The following MAN1C1 variants were observed in gnomAD, a reference collection of about 807,000 sequenced individuals.
MAN1C1 encodes mannosyl-oligosaccharide 1,2-alpha-mannosidase IC.
A neutral mutation model predicts 71.5 loss-of-function variants in MAN1C1; 49 were observed. The ratio of observed to expected loss-of-function variants is 0.69; its 90% CI spans 0.54 to 0.87. MAN1C1 has a LOEUF of 0.87. MAN1C1 is among the 40% of genes least tolerant of loss of function. The pLI is 0.00. For missense variants in MAN1C1, 743 were observed against 835.0 expected, an observed-to-expected ratio of 0.89 and a Z score of 1.36; for synonymous variants, 352 against 343.7, an observed-to-expected ratio of 1.02 and a Z score of -0.27.
In MAN1C1 at chr1:25,769,220, T is replaced by C. The variant is rs1403004744; in HGVS notation, c.1142-2437T>C. Among the ~76,000 whole-genome samples, 2 of 143,678 alleles carry C rather than the reference T, an allele frequency of 1.4e-5. No individual in the cohort carries two copies. Among genetic ancestry groups the C allele is most frequent in the Non-Finnish European group, 3.0e-5 (2 of 65,734 alleles). 94.3% of individuals were successfully genotyped at this position (143,678 alleles called of 152,430 possible). On this transcript the variant is annotated intron_variant, in intron 7 of 11. Transcript: ENST00000374332. This position sits in a 1 kb window ranked among gnomAD's most constrained non-coding sequence, Gnocchi z 4.8. ...ATGCACACACCCCACACACTACACA[T>C]AGTCCCCTCATACACTACACACCAC...
At chr1:25,654,066 C>T (rs1024558801) in intron 1 of MAN1C1, among the ~76,000 whole-genome samples, 1 of 152,120 alleles carries the variant, frequency 6.6e-6, no homozygotes, top group South Asian at 2.1e-4. Context: ...TTCCTGGTTG[C>T]ACATTGAGAC....
At chr1:25,757,035 G>A (rs1322617717) in intron 5 of MAN1C1, among the ~76,000 whole-genome samples, 4 of 152,026 alleles carry the variant, frequency 2.6e-5, no homozygotes, top group East Asian at 1.9e-4. Flanking sequence ...CTCAAAACCC[G>A]AGCCCTTCGT....
rs865962147 is a variant in MAN1C1 at position 25,617,561 on chromosome 1, C to G, written c.-237C>G. The G allele has an allele frequency of 3.1e-5, 10 of 320,656 alleles. No homozygotes were observed. The highest frequency in any genetic ancestry group is 8.5e-4 in the Middle Eastern group (1 of 1,180). 19.9% of individuals were successfully genotyped at this position (320,656 alleles called of 1,614,324 possible). On this transcript the variant is annotated 5_prime_UTR_variant, in exon 1 of 12. Coordinates refer to ENST00000374332, the MANE Select transcript of MAN1C1 (RefSeq NM_020379.4). The surrounding 1 kb of genome is among the most constrained non-coding windows in gnomAD (Gnocchi z 5.1). ...TGCGGGCCCGGGCCCCAAGCCGTGC[C>G]GCTCCGCTCGCCCGGGCCCCGCCGA... is the stretch of plus-strand genomic sequence containing the variant.
rs1377342014 is a variant in MAN1C1 at position 25,616,903 on chromosome 1, G to A, written c.-895G>A. ...CAGCGGCCGGTCTGGAGCGGCCGCT[G>A]CGAGGAAGACAGCTGCAGCGGGGGA... On this transcript the variant is annotated 5_prime_UTR_variant, in exon 1 of 12. Transcript: ENST00000374332. This position sits in a 1 kb window ranked among gnomAD's most constrained non-coding sequence, Gnocchi z 5.6. Among the ~76,000 whole-genome samples the A allele has an allele frequency of 6.7e-6, 1 of 149,842 alleles. No individual in the cohort carries two copies. The highest frequency in any genetic ancestry group is 1.5e-5 in the Non-Finnish European group (1 of 67,046).
rs191610047 is a variant in MAN1C1 at position 25,763,704 on chromosome 1, G to A, written c.1048-170G>A. 1.9e-3 allele frequency: 1,144 copies of A among 616,790 alleles called. 2 individuals are homozygous for A. Among genetic ancestry groups the A allele is most frequent in the Non-Finnish European group, 2.5e-3 (846 of 342,732 alleles). The allele number at this position is 616,790 out of a possible 1,614,324, so 38.2% of individuals were successfully genotyped here. On this transcript the variant is annotated intron_variant, in intron 6 of 11. Transcript: ENST00000374332. ...TCACGTGGCACCAGGGCAAGGCCACGTCACCATCCCCGGGTTGGAGCCTGC... is the reference window on the plus strand; with the variant it reads ...TCACGTGGCACCAGGGCAAGGCCACATCACCATCCCCGGGTTGGAGCCTGC...
Position 25,779,291 on chromosome 1 carries a change from A to T in MAN1C1, c.1477+967A>T, listed in dbSNP as rs984017904. 4.0e-5 allele frequency among the ~76,000 whole-genome samples: 6 copies of T among 151,890 alleles called. No individual in the cohort carries two copies. Among genetic ancestry groups the T allele is most frequent in the Admixed American group, 2.0e-4 (3 of 15,262 alleles). ...CTGTTTTCTTATCTGTTCGATGGGAATCATGACACAGGTCTCAGAGTGAGG... is the reference window on the plus strand; with the variant it reads ...CTGTTTTCTTATCTGTTCGATGGGATTCATGACACAGGTCTCAGAGTGAGG... On this transcript the variant is annotated intron_variant, in intron 9 of 11. Coordinates refer to ENST00000374332, the MANE Select transcript of MAN1C1 (RefSeq NM_020379.4). This position sits in a 1 kb window ranked among gnomAD's most constrained non-coding sequence, Gnocchi z 4.6.
intron 1 of MAN1C1, among the ~76,000 whole-genome samples, chr1:25,624,959 TTAAGTA>T (rs1177257642): frequency 2.6e-5 from 4 of 152,050 alleles, no homozygotes; most frequent in African/African-American, 7.3e-5. Context: ...TAGCTACTAT[TTAAGTA>T]TAATTTATTA....
chr1:25,677,562 T>C (rs532937418), intron 1 of MAN1C1, among the ~76,000 whole-genome samples: 101 of 152,252 alleles, frequency 6.6e-4, no homozygotes, highest in African/African-American at 2.2e-3. Context: ...GTCCTGAGTA[T>C]CTCTTGCTGT....
At chr1:25,648,660 A>C (rs1384272297) in intron 1 of MAN1C1, among the ~76,000 whole-genome samples, 1 of 152,218 alleles carries the variant, frequency 6.6e-6, no homozygotes, top group Non-Finnish European at 1.5e-5. Flanking sequence ...CTTTGAGTGG[A>C]GCCTCAATTC....
chr1:25,689,129 T>G (rs951494833), intron 2 of MAN1C1, among the ~76,000 whole-genome samples: 1 of 152,190 alleles, frequency 6.6e-6, no homozygotes, highest in Middle Eastern at 3.2e-3. Context: ...TGCCAGTGCC[T>G]GGTGCTGACT....
In MAN1C1 at chr1:25,617,881, C is replaced by T; in HGVS notation, c.84C>T (p.Phe28=). The change falls in exon 1 of 12, where the codon TTC becomes TTT. Residue 28 remains phenylalanine (F), a synonymous_variant. Transcript: ENST00000374332. This position sits in a 1 kb window ranked among gnomAD's most constrained non-coding sequence, Gnocchi z 5.1. The part of the protein sequence containing the change: ...RLPQKFLFLL[F]LSGLVTLCFG... ...CGCAGAAGTTCCTCTTCCTCCTCTT[C>T]CTCTCGGGCCTGGTCACCCTGTGCT... The T allele has an allele frequency of 6.2e-7, 1 of 1,608,740 alleles. No individual in the cohort carries two copies. Among genetic ancestry groups the T allele is most frequent in the South Asian group, 1.1e-5 (1 of 90,332 alleles).
At chr1:25,679,030 C>T (rs899422705) in intron 1 of MAN1C1, among the ~76,000 whole-genome samples, 38 of 150,468 alleles carry the variant, frequency 2.5e-4, no homozygotes, top group Non-Finnish European at 3.5e-4. Context: ...AGAAACAAGA[C>T]GAGAGAGAGA....
intron 1 of MAN1C1, among the ~76,000 whole-genome samples, chr1:25,655,477 A>G (rs911634665): frequency 1.3e-5 from 2 of 152,228 alleles, no homozygotes; most frequent in Non-Finnish European, 2.9e-5. Context: ...GGACACTTGT[A>G]GTTTAAATCT....
At chr1:25,713,907 C>T (rs763267483) in intron 2 of MAN1C1, among the ~76,000 whole-genome samples, 3 of 152,086 alleles carry the variant, frequency 2.0e-5, no homozygotes, top group East Asian at 1.9e-4. Flanking sequence ...CTGGAGCTTC[C>T]GAGGGAGTTA....
intron 1 of MAN1C1, among the ~76,000 whole-genome samples, chr1:25,670,088 C>T (rs2045973812): frequency 2.6e-5 from 4 of 152,228 alleles, no homozygotes; most frequent in Admixed American, 6.5e-5. Context: ...GCCTGGAAAA[C>T]AAGACTCCTG....
chr1:25,652,884 T>C (rs924961022), intron 1 of MAN1C1, among the ~76,000 whole-genome samples: 15 of 152,156 alleles, frequency 9.9e-5, no homozygotes, highest in African/African-American at 3.6e-4. Flanking sequence ...GCCTTCAAAG[T>C]AGCTGGGACT....
intron 2 of MAN1C1, among the ~76,000 whole-genome samples, chr1:25,721,222 A>C (rs1461456941): frequency 6.6e-6 from 1 of 152,152 alleles, no homozygotes; most frequent in Non-Finnish European, 1.5e-5. Context: ...CCTAGCTTCA[A>C]GCAATCCTTC....
intron 8 of MAN1C1, chr1:25,772,151 G>A (rs2047562687): frequency 5.2e-6 from 1 of 191,492 alleles, no homozygotes; most frequent in Non-Finnish European, 1.1e-5. Context: ...CACCCCCAAG[G>A]GTGGCTGCCA....
intron 4 of MAN1C1, among the ~76,000 whole-genome samples, chr1:25,752,666 G>A (rs779892635): frequency 1.5e-4 from 23 of 152,200 alleles, no homozygotes; most frequent in Non-Finnish European, 2.2e-4. Flanking sequence ...TGGGTCAGAA[G>A]GTCACAGGTC....
Sources: allele counts gnomAD v4.1 joint callset (sites outside exome capture counted in the v4.1 genomes callset), GRCh38; gene constraint gnomAD v4.1.1; non-coding constraint Gnocchi (gnomAD v3.1); transcripts MANE v1.5; gene names NCBI Gene and HGNC (gene_info 2026-07-23, HGNC 2026-07-21).